SSR2: variants seen among roughly 807,000 people sequenced by gnomAD.
The protein encoded by SSR2 is signal sequence receptor subunit 2, also known as translocon-associated protein subunit beta.
A neutral mutation model predicts 22.6 loss-of-function variants in SSR2; 16 were observed. That is an observed-to-expected ratio of 0.71 (90% CI 0.48 to 1.08). The LOEUF is 1.08. Among genes scored for constraint, SSR2 ranks in the 50% least tolerant of loss-of-function variants. SSR2 has a pLI of 0.00. For synonymous variants in SSR2, 83 were observed against 91.2 expected (o/e 0.91, Z 0.51); for missense variants, 171 against 221.6 (o/e 0.77, Z 1.45).
At chr1:156,020,281 T>C (rs1213802049) in intron 1 of SSR2, 114 bp from the exon 2 acceptor site, 3 of 1,109,470 alleles carry the variant, frequency 2.7e-6, no homozygotes, top group Admixed American at 2.2e-5. Flanking sequence ...CAGCAGCCCC[T>C]TCCACAGAGT....
intron 3 of SSR2, among the ~76,000 whole-genome samples, chr1:156,017,478 T>C (rs1683074264): frequency 1.3e-5 from 2 of 151,840 alleles, no homozygotes; most frequent in South Asian, 4.2e-4. Context: ...GCCTCCCGAG[T>C]AGCTGGGATT....
At chr1:156,019,264 T>C (rs1683110045) in intron 2 of SSR2, 1 of 452,982 alleles carries the variant, frequency 2.2e-6, no homozygotes, top group Admixed American at 2.4e-5. Context: ...TTCATGTACA[T>C]GCCTATGTGT....
In SSR2 at chr1:156,011,903, G is replaced by GC. The variant is rs763265224; in HGVS notation, c.364-17_364-16insG. ...TAGAGCCAATCTGAAAAGAAGAAAAGAACGACATTAAGGGAAGTCCACCTC... is the reference window on the plus strand; with the variant it reads ...TAGAGCCAATCTGAAAAGAAGAAAAGCAACGACATTAAGGGAAGTCCACCTC... On this transcript the variant is annotated splice_polypyrimidine_tract_variant and intron_variant, in intron 4 of 5. Transcript: ENST00000295702. 1.6e-5 allele frequency: 26 copies of GC among 1,607,464 alleles called. No homozygotes were observed. The highest frequency in any genetic ancestry group is 2.2e-5 in the Non-Finnish European group (26 of 1,174,638).
intron 2 of SSR2, among the ~76,000 whole-genome samples, chr1:156,018,701 T>C (rs1683099703): frequency 6.6e-6 from 1 of 151,046 alleles, no homozygotes; most frequent in Admixed American, 6.6e-5. Context: ...AGCGAGACTC[T>C]GTCTCAAACA....
chr1:156,018,088 T>A, intron 3 of SSR2, 182 bp downstream of exon 3: 3 of 529,554 alleles, frequency 5.7e-6, no homozygotes, highest in Non-Finnish European at 1.0e-5. Context: ...GTATCCTCCT[T>A]CTTCATGTCT....
intron 2 of SSR2, 43 bp downstream of exon 2, chr1:156,019,969 AT>A (rs1334912728): frequency 1.3e-6 from 2 of 1,586,070 alleles, no homozygotes; most frequent in Non-Finnish European, 8.6e-7. Context: ...AAAACTAAGA[AT>A]CCAGAAATAG....
chr1:156,014,753 G>T, intron 4 of SSR2: 1 of 421,024 alleles, frequency 2.4e-6, no homozygotes, highest in Non-Finnish European at 4.4e-6. Flanking sequence ...TGTTGGCCAG[G>T]CTGGTCTTGA....
rs183097984 is a variant in SSR2, at chr1:156,018,742, C to T, written c.156-374G>A. 2.0e-5 allele frequency among the ~76,000 whole-genome samples: 3 copies of T among 151,802 alleles called. No homozygotes were observed. In the East Asian group the frequency reaches 5.8e-4, roughly 29 times the overall value. ...AAAAATTAAAGCAATAGTCCGGGCG[C>T]AGTGGTTCACACCTATAATCCTAGC... On this transcript the variant is annotated intron_variant, in intron 2 of 5. Coordinates refer to ENST00000295702, the MANE Select transcript of SSR2 (RefSeq NM_003145.4).
chr1:156,015,327 G>C (rs1256255965), intron 3 of SSR2, among the ~76,000 whole-genome samples: 1 of 151,314 alleles, frequency 6.6e-6, no homozygotes, highest in Admixed American at 6.6e-5. Context: ...GCAACACGGT[G>C]AAACCCCGTC....
intron 4 of SSR2, chr1:156,014,679 T>G: frequency 4.0e-6 from 1 of 249,644 alleles, no homozygotes; most frequent in Non-Finnish European, 8.0e-6. Context: ...GTAGCTGGGA[T>G]TACAGGCGCC....
chr1:156,012,351 T>C (rs1032600428), intron 4 of SSR2: 21 of 320,140 alleles, frequency 6.6e-5, no homozygotes, highest in African/African-American at 4.3e-5. Context: ...TCAAATGAAA[T>C]AGCAAAAATA....
At position 156,012,562 on chromosome 1, in the gene SSR2, G is replaced by T. The variant is rs775652454; in HGVS notation, c.364-675C>A. 1.3e-5 allele frequency: 6 copies of T among 456,234 alleles called. 1 individual carries two copies. The highest frequency in any genetic ancestry group is 9.3e-5 in the South Asian group (6 of 64,568). The allele number at this position is 456,234 out of a possible 1,614,324, so 28.3% of individuals were successfully genotyped here. A position where few individuals can be genotyped will look rare whatever the true frequency, so the allele number is the denominator to read the frequency against. On this transcript the variant is annotated intron_variant, in intron 4 of 5. Transcript: ENST00000295702. ...GGTAGAACCAAAGAGTCCTGAGGTT[G>T]GTTCTGAAAGCAGAAATGATACCGG...
chr1:156,017,028 A>G (rs1683069003), intron 3 of SSR2, among the ~76,000 whole-genome samples: 1 of 152,178 alleles, frequency 6.6e-6, no homozygotes, highest in African/African-American at 2.4e-5. Flanking sequence ...TAGCAACTTG[A>G]GAACAGATTA....
chr1:156,018,446 C>T, intron 2 of SSR2, 78 bp from the exon 3 acceptor site: 1 of 1,163,056 alleles, frequency 8.6e-7, no homozygotes, highest in Non-Finnish European at 1.2e-6. Context: ...GTGGCTCACG[C>T]CTGTAATCCC....
Position 156,015,011 on chromosome 1 carries a change from A to G in SSR2, c.313T>C (p.Phe105Leu). The G allele has an allele frequency of 6.2e-7, 1 of 1,614,008 alleles. No homozygotes were observed. Among genetic ancestry groups the G allele is most frequent in the Non-Finnish European group, 8.5e-7 (1 of 1,179,952 alleles). The change falls in exon 4 of 6, where the codon TTC (phenylalanine) becomes CTC (leucine). Residue 105 changes from phenylalanine (F) to leucine (L), a missense_variant. Coordinates refer to ENST00000295702, the MANE Select transcript of SSR2 (RefSeq NM_003145.4). ...LRPLKAGYFN[F>L]TSATITYLAQ... ...AGGTAAGTAATTGTTGCCGAGGTGA[A>G]GTTGAAATAACCAGCCTTGAGAGGG... is the stretch of plus-strand genomic sequence containing the variant.
intron 1 of SSR2, 157 bp downstream of exon 1, chr1:156,020,731 G>GC (rs1683139841): frequency 1.6e-5 from 6 of 372,138 alleles, no homozygotes; most frequent in South Asian, 1.2e-4. Flanking sequence ...AATCACCTCT[G>GC]CCCCCCGCCT....
intron 5 of SSR2, chr1:156,010,590 A>G (rs1225468452): frequency 6.6e-6 from 1 of 152,168 alleles, no homozygotes; most frequent in African/African-American, 2.4e-5. Context: ...ATGGCTCTCT[A>G]AAGACCAATC....
intron 4 of SSR2, chr1:156,014,612 G>C: frequency 4.9e-6 from 1 of 203,380 alleles, no homozygotes; most frequent in Admixed American, 5.4e-5. Context: ...TGTGATCTCG[G>C]CTCACTGCAA....
chr1:156,019,930 C>A, intron 2 of SSR2, 83 bp downstream of exon 2: 2 of 1,478,284 alleles, frequency 1.4e-6, no homozygotes, highest in Non-Finnish European at 1.8e-6. Context: ...GAAACCACTA[C>A]CCACCAATAT....
Sources: gnomAD v4.1 joint callset for allele counts (sites outside exome capture counted in the v4.1 genomes callset) on GRCh38, gnomAD v4.1.1 for gene constraint, MANE v1.5 for transcripts, NCBI Gene and HGNC (gene_info 2026-07-23, HGNC 2026-07-21) for gene names.